The following EPHB1 variants were observed in gnomAD, a reference collection of about 807,000 sequenced individuals.
The protein encoded by EPHB1 is ephrin type-B receptor 1.
In EPHB1, 30 loss-of-function variants were observed where a neutral mutation model predicts 94.4. That is an observed-to-expected ratio of 0.32 (90% confidence interval 0.24 to 0.43). The LOEUF is 0.43. EPHB1 is among the 20% of genes least tolerant of loss of function. The pLI, the probability that EPHB1 is intolerant of heterozygous loss-of-function variation, is 1.00. For missense variants in EPHB1, 1,055 were observed against 1,308.3 expected (o/e 0.81, Z 2.99); for synonymous variants, 522 against 489.1 (o/e 1.07, Z -0.89).
At chr3:135,208,290 C>CTTGTGTGT (rs1283544628) in intron 12 of EPHB1, among the ~76,000 whole-genome samples, 121 of 142,780 alleles carry the variant, frequency 8.5e-4, no homozygotes, top group South Asian at 1.4e-3. Context: ...CCTTTCATGA[C>CTTGTGTGT]GTGTGTGTGT....
At chr3:135,123,346 AG>A (rs1940054853) in intron 4 of EPHB1, among the ~76,000 whole-genome samples, 1 of 152,250 alleles carries the variant, frequency 6.6e-6, no homozygotes, top group Admixed American at 6.5e-5. Context: ...TATCAATAAA[AG>A]AAAATTCAAA....
chr3:135,161,132 G>C (rs2107697693), intron 6 of EPHB1, among the ~76,000 whole-genome samples: 1 of 152,280 alleles, frequency 6.6e-6, no homozygotes, highest in South Asian at 2.1e-4. Flanking sequence ...GTAGCAAGGA[G>C]AAAAAGTCAC....
At chr3:134,814,816 G>A (rs2036239102) in intron 1 of EPHB1, among the ~76,000 whole-genome samples, 2 of 152,222 alleles carry the variant, frequency 1.3e-5, no homozygotes, top group African/African-American at 4.8e-5. Context: ...TCTTGTGGTG[G>A]TCTGGACCAG....
chr3:134,857,967 CT>C (rs374302652), intron 1 of EPHB1, among the ~76,000 whole-genome samples: 28 of 152,294 alleles, frequency 1.8e-4, no homozygotes, highest in African/African-American at 5.1e-4. Context: ...GTCAACCCCC[CT>C]GTTACCACAA....
chr3:135,207,815 T>C (rs752522688), intron 12 of EPHB1, among the ~76,000 whole-genome samples: 21 of 152,342 alleles, frequency 1.4e-4, no homozygotes, highest in Non-Finnish European at 1.9e-4. Flanking sequence ...TGGATTCTTA[T>C]TGAGGGCTCT....
chr3:135,170,976 G>T (rs1576443196), intron 9 of EPHB1, among the ~76,000 whole-genome samples: 1 of 152,162 alleles, frequency 6.6e-6, no homozygotes, highest in South Asian at 2.1e-4. Context: ...AAACAAATGG[G>T]GTATGTGCCC....
At chr3:134,921,169 C>G (rs73224331) in intron 1 of EPHB1, among the ~76,000 whole-genome samples, 7,524 of 152,194 alleles carry the variant, frequency 0.049, 481 homozygotes, top group East Asian at 0.34. Context: ...CACTGTTTTT[C>G]TTACTCTCCC....
intron 4 of EPHB1, among the ~76,000 whole-genome samples, chr3:135,111,012 A>C (rs1346432354): frequency 6.6e-6 from 1 of 152,160 alleles, no homozygotes; most frequent in South Asian, 2.1e-4. Flanking sequence ...TTTAGAGGGT[A>C]GAAATGGCTT....
At chr3:134,936,625 A>G (rs1331492586) in intron 2 of EPHB1, among the ~76,000 whole-genome samples, 1 of 152,086 alleles carries the variant, frequency 6.6e-6, no homozygotes, top group African/African-American at 2.4e-5. Context: ...CTGGGGTCCC[A>G]TCGTGGCACA....
intron 3 of EPHB1, among the ~76,000 whole-genome samples, chr3:135,087,961 G>A (rs753083764): frequency 6.6e-6 from 1 of 152,280 alleles, no homozygotes; most frequent in Admixed American, 6.5e-5. Context: ...CATGCATCAC[G>A]TTTTTACATC....
intron 3 of EPHB1, among the ~76,000 whole-genome samples, chr3:135,071,328 A>G (rs144916356): frequency 6.6e-6 from 1 of 152,344 alleles, no homozygotes; most frequent in Non-Finnish European, 1.5e-5. Flanking sequence ...TGAGAGCAGT[A>G]AGATCTCAGA....
intron 7 of EPHB1, 62 bp from the exon 8 acceptor site, chr3:135,165,905 AC>A: frequency 8.5e-7 from 1 of 1,174,042 alleles, no homozygotes; most frequent in South Asian, 1.2e-5. Flanking sequence ...GGTATTGTGC[AC>A]TGAGTATCAG....
intron 12 of EPHB1, among the ~76,000 whole-genome samples, chr3:135,202,456 T>C (rs1942783487): frequency 6.6e-6 from 1 of 152,184 alleles, no homozygotes. Context: ...TCTTTCCATC[T>C]CTACTGCCCC....
At chr3:135,024,954 A>G (rs1936099224) in intron 3 of EPHB1, among the ~76,000 whole-genome samples, 2 of 151,932 alleles carry the variant, frequency 1.3e-5, no homozygotes, top group Non-Finnish European at 2.9e-5. Context: ...TGTATTATAT[A>G]TCCATGTGGT....
intron 5 of EPHB1, among the ~76,000 whole-genome samples, chr3:135,152,659 A>G (rs1941229193): frequency 6.6e-6 from 1 of 151,976 alleles, no homozygotes; most frequent in African/African-American, 2.4e-5. Flanking sequence ...GTAGTGTTGG[A>G]AAGGCCACTG....
intron 12 of EPHB1, among the ~76,000 whole-genome samples, chr3:135,233,184 A>G (rs1190345233): frequency 1.3e-5 from 2 of 152,214 alleles, no homozygotes; most frequent in East Asian, 3.8e-4. Context: ...CTCATCTGTG[A>G]CAAGGCAGGT....
intron 1 of EPHB1, among the ~76,000 whole-genome samples, chr3:134,830,333 T>C (rs2036559212): frequency 6.6e-6 from 1 of 152,272 alleles, no homozygotes; most frequent in Non-Finnish European, 1.5e-5. Context: ...AATATTATTA[T>C]AGTGCTATCT....
chr3:135,247,917 T>C (rs893883507), intron 13 of EPHB1, among the ~76,000 whole-genome samples: 11 of 152,224 alleles, frequency 7.2e-5, no homozygotes, highest in African/African-American at 2.7e-4. Flanking sequence ...GTGGGTTCAC[T>C]GGGTTTCCCA....
chr3:135,241,729 G>A (rs1559887768), intron 13 of EPHB1, among the ~76,000 whole-genome samples: 1 of 152,226 alleles, frequency 6.6e-6, no homozygotes, highest in Non-Finnish European at 1.5e-5. Context: ...GCCTCTGACG[G>A]CTATGCTCCA....
Sources: allele counts gnomAD v4.1 joint callset (sites outside exome capture counted in the v4.1 genomes callset), GRCh38; gene constraint gnomAD v4.1.1; transcripts MANE v1.5; gene names NCBI Gene and HGNC (gene_info 2026-07-23, HGNC 2026-07-21).